RHBDL3: variants seen among roughly 807,000 people sequenced by gnomAD.
RHBDL3 encodes the protein rhomboid-related protein 3.
In RHBDL3, 28 loss-of-function variants were observed where a neutral mutation model predicts 48.2. The ratio of observed to expected loss-of-function variants is 0.58; its 90% CI spans 0.43 to 0.80. RHBDL3 has a LOEUF of 0.80. Among genes scored for constraint, RHBDL3 ranks in the 30% least tolerant of loss-of-function variants. The pLI, the probability that RHBDL3 is intolerant of heterozygous loss-of-function variation, is 0.00. For synonymous variants in RHBDL3, 208 were observed against 232.3 expected (o/e 0.90, Z 0.95); for missense variants, 464 against 542.7 (o/e 0.85, Z 1.44).
chr17:32,311,237 C>A (rs1056595204), intron 7 of RHBDL3, among the ~76,000 whole-genome samples: 9 of 152,350 alleles, frequency 5.9e-5, no homozygotes, highest in African/African-American at 2.2e-4. Context: ...CAAAGATCTG[C>A]AGGCTTTCCA....
intron 1 of RHBDL3, among the ~76,000 whole-genome samples, chr17:32,266,627 C>T (rs149994509): frequency 0.025 from 3,798 of 152,288 alleles, 160 homozygotes; most frequent in African/African-American, 0.085. Flanking sequence ...GGCCGCGTCA[C>T]GGCGGTGACT....
chr17:32,293,014 A>C (rs1484096343), intron 4 of RHBDL3, among the ~76,000 whole-genome samples: 1 of 152,128 alleles, frequency 6.6e-6, no homozygotes, highest in Non-Finnish European at 1.5e-5. Flanking sequence ...ATTCTGACAC[A>C]TGCTACACAA....
At chr17:32,281,312 G>T (rs1050863893) in intron 2 of RHBDL3, among the ~76,000 whole-genome samples, 1 of 152,062 alleles carries the variant, frequency 6.6e-6, no homozygotes, top group Non-Finnish European at 1.5e-5. Flanking sequence ...TTTGTCTGCA[G>T]CCTGATCCCA....
intron 2 of RHBDL3, among the ~76,000 whole-genome samples, chr17:32,274,429 G>A (rs2039846976): frequency 6.6e-6 from 1 of 152,240 alleles, no homozygotes; most frequent in Admixed American, 6.5e-5. Context: ...TGTGAAGCAA[G>A]GTACAGGTTG....
chr17:32,266,594 A>C (rs1326997989), intron 1 of RHBDL3, among the ~76,000 whole-genome samples: 1 of 152,028 alleles, frequency 6.6e-6, no homozygotes, highest in East Asian at 2.0e-4. Context: ...AGTGCCCGGG[A>C]CACGGCGTTT....
chr17:32,317,092 C>T (rs2040993954), intron 8 of RHBDL3, among the ~76,000 whole-genome samples: 1 of 151,942 alleles, frequency 6.6e-6, no homozygotes, highest in Non-Finnish European at 1.5e-5. Flanking sequence ...AGGCTGGTCT[C>T]AAACTCCTGA....
At position 32,321,822 on chromosome 17, in the gene RHBDL3, C is replaced by T; in HGVS notation, c.*593C>T. On this transcript the variant is annotated 3_prime_UTR_variant, in exon 9 of 9. Coordinates refer to ENST00000269051, the MANE Select transcript of RHBDL3 (RefSeq NM_138328.3). The stretch of plus-strand genomic sequence containing the variant: ...GTGCACCGGGGCATGATCTGTTGTG[C>T]CTGGGTTGGGCAGAGCAGGGAGCCT... 5.4e-6 allele frequency: 1 copy of T among 185,466 alleles called. No homozygotes were observed. The highest frequency in any genetic ancestry group is 1.2e-5 in the Non-Finnish European group (1 of 86,904). The allele number at this position is 185,466 out of a possible 1,614,324, so 11.5% of individuals were successfully genotyped here. A position where few individuals can be genotyped will look rare whatever the true frequency, so the allele number is the denominator to read the frequency against.
chr17:32,306,005 G>A (rs919595655), intron 7 of RHBDL3, among the ~76,000 whole-genome samples: 7 of 152,150 alleles, frequency 4.6e-5, no homozygotes, highest in Non-Finnish European at 8.8e-5. Context: ...GGGCTTTAGA[G>A]ATTATCTCAT....
chr17:32,293,954 C>G (rs2040391412), intron 4 of RHBDL3, among the ~76,000 whole-genome samples: 2 of 152,138 alleles, frequency 1.3e-5, no homozygotes, highest in African/African-American at 4.8e-5. Context: ...ATGGAGAAAC[C>G]CAGTCTCTAC....
chr17:32,290,323 C>T (rs923769404), intron 4 of RHBDL3, among the ~76,000 whole-genome samples: 10 of 152,136 alleles, frequency 6.6e-5, no homozygotes, highest in African/African-American at 2.4e-4. Context: ...GTCTAGGTAT[C>T]GGTACCCATT....
intron 2 of RHBDL3, among the ~76,000 whole-genome samples, chr17:32,276,746 CA>C (rs2039913028): frequency 2.4e-5 from 2 of 82,680 alleles, no homozygotes; most frequent in African/African-American, 5.6e-5. Context: ...CACCTTACTC[CA>C]GCCCTAGCAC....
rs1332587616 is a variant in RHBDL3, at chr17:32,289,116, A to G, written c.519+100A>G. 4 of 923,696 alleles carry G rather than the reference A, an allele frequency of 4.3e-6. No homozygotes were observed. In the African/African-American group the frequency reaches 6.5e-5, roughly 15 times the overall value. The allele number at this position is 923,696 out of a possible 1,614,324, so 57.2% of individuals were successfully genotyped here. A position where few individuals can be genotyped will look rare whatever the true frequency, so the allele number is the denominator to read the frequency against. ...ACACACAGATCATGGGGGAAGAGGG[A>G]CATTTCTTTTCCATTGAAGGGCAAT... On this transcript the variant is annotated intron_variant, in intron 4 of 8. Coordinates refer to ENST00000269051, the MANE Select transcript of RHBDL3 (RefSeq NM_138328.3).
intron 3 of RHBDL3, among the ~76,000 whole-genome samples, chr17:32,287,162 G>A (rs181100180): frequency 3.9e-5 from 6 of 152,178 alleles, no homozygotes; most frequent in Admixed American, 6.5e-5. Context: ...CCATGGTCAT[G>A]GACTGTGCCC....
In RHBDL3 at chr17:32,271,323, T is replaced by G. The variant is rs1459330051; in HGVS notation, c.135+3398T>G. Among the ~76,000 whole-genome samples the G allele has an allele frequency of 2.0e-5, 3 of 152,280 alleles. No individual in the cohort carries two copies. In the East Asian group the frequency reaches 5.8e-4, roughly 29 times the overall value. Reference sequence around the variant, plus strand: ...TTGAGAAATGTTATTTGGTAAATTTTTGTGTGTGGTTGGGTTGATATTTTA... The same window carrying G: ...TTGAGAAATGTTATTTGGTAAATTTGTGTGTGTGGTTGGGTTGATATTTTA... On this transcript the variant is annotated intron_variant, in intron 2 of 8. Transcript: ENST00000269051.
At chr17:32,277,626 G>A (rs1337158101) in intron 2 of RHBDL3, among the ~76,000 whole-genome samples, 3 of 152,190 alleles carry the variant, frequency 2.0e-5, no homozygotes, top group Non-Finnish European at 4.4e-5. Context: ...TAGCATTGCT[G>A]GAAGACTCCA....
At chr17:32,271,509 A>T (rs984646168) in intron 2 of RHBDL3, among the ~76,000 whole-genome samples, 1 of 152,142 alleles carries the variant, frequency 6.6e-6, no homozygotes, top group African/African-American at 2.4e-5. Flanking sequence ...GGAAGCTTTG[A>T]TTCAAGGTCA....
intron 2 of RHBDL3, among the ~76,000 whole-genome samples, chr17:32,275,677 C>T (rs2039880450): frequency 6.6e-6 from 1 of 152,196 alleles, no homozygotes; most frequent in Non-Finnish European, 1.5e-5. Context: ...CCCTAATCAG[C>T]CTGGCTGCCC....
chr17:32,289,047 T>A (rs2040265797), intron 4 of RHBDL3, 31 bp downstream of exon 4: 1 of 1,592,136 alleles, frequency 6.3e-7, no homozygotes, highest in African/African-American at 1.3e-5. Context: ...GGGGTTGCTC[T>A]GCCTTGGGGA....
rs1203534265 is a variant in RHBDL3 at position 32,284,735 on chromosome 17, A to C, written c.212A>C (p.Asp71Ala). The change falls in exon 3 of 9, where the codon GAC (aspartate) becomes GCC (alanine). Residue 71 changes from aspartate (D) to alanine (A), a missense_variant. Physicochemically the swap from Asp to Ala is moderately radical, Grantham distance 126. Transcript: ENST00000269051. The stretch of plus-strand genomic sequence containing the variant: ...CTGGAGAGCCACAGCTCCAAGCTGG[A>C]CCCGCACAAAAGGGAGGTCCTCCTG... Reference protein sequence around the residue: ...SLLESHSSKLDPHKREVLLAL... With the variant: ...SLLESHSSKLAPHKREVLLAL... The C allele has an allele frequency of 6.2e-7, 1 of 1,614,112 alleles. No individual in the cohort carries two copies. The highest frequency in any genetic ancestry group is 1.7e-5 in the Admixed American group (1 of 60,030).
Sources: gnomAD v4.1 joint callset for allele counts (sites outside exome capture counted in the v4.1 genomes callset) on GRCh38, gnomAD v4.1.1 for gene constraint, MANE v1.5 for transcripts, NCBI Gene and HGNC (gene_info 2026-07-23, HGNC 2026-07-21) for gene names.